The following ADGRL2 variants were observed in gnomAD, a reference collection of about 807,000 sequenced individuals.
ADGRL2 encodes adhesion G protein-coupled receptor L2.
In ADGRL2, 44 loss-of-function variants were observed where a neutral mutation model predicts 157.4. The ratio of observed to expected loss-of-function variants is 0.28; its 90% CI spans 0.22 to 0.36. The LOEUF is 0.36. Among genes scored for constraint, ADGRL2 ranks in the 10% least tolerant of loss-of-function variants. ADGRL2 has a pLI of 1.00. For missense variants in ADGRL2, 1,510 were observed against 1,768.9 expected (o/e 0.85, Z 2.63); for synonymous variants, 585 against 624.7 (o/e 0.94, Z 0.95).
chr1:81,437,096 A>T (rs999401988), intron 1 of ADGRL2, among the ~76,000 whole-genome samples: 4 of 152,308 alleles, frequency 2.6e-5, no homozygotes, highest in Admixed American at 2.6e-4. Context: ...CAATTTATCC[A>T]ACCAAGGCAA....
At chr1:81,680,776 C>A (rs1479885016) in intron 3 of ADGRL2, among the ~76,000 whole-genome samples, 2 of 152,044 alleles carry the variant, frequency 1.3e-5, no homozygotes, top group African/African-American at 2.4e-5. Context: ...AGAATCTATA[C>A]AATGACACCT....
Position 81,463,239 on chromosome 1 carries a change from TG to T in ADGRL2, c.-248+18153del, listed in dbSNP as rs573170644. ...GGGGAGAGTTGGTGTCAGACAGATGTGGGTTGGATTCCTTCCTCCTTTGCTA... is the reference window on the plus strand; with the variant it reads ...GGGGAGAGTTGGTGTCAGACAGATGTGGTTGGATTCCTTCCTCCTTTGCTA... On this transcript the variant is annotated intron_variant, in intron 2 of 24. Coordinates refer to the ADGRL2 transcript ENST00000370721. Among the ~76,000 whole-genome samples, 723 of 151,868 alleles carry T rather than the reference TG, an allele frequency of 4.8e-3. 4 individuals are homozygous for T. Among genetic ancestry groups the T allele is most frequent in the Non-Finnish European group, 8.0e-3 (541 of 67,942 alleles).
intron 1 of ADGRL2, among the ~76,000 whole-genome samples, chr1:81,738,406 A>G (rs1238447456): frequency 2.6e-5 from 4 of 152,340 alleles, no homozygotes; most frequent in East Asian, 1.9e-4. Flanking sequence ...AAGGAAGGTC[A>G]TTGAAGCAGC....
chr1:81,325,843 A>G (rs554540380), intron 1 of ADGRL2, among the ~76,000 whole-genome samples: 1 of 152,252 alleles, frequency 6.6e-6, no homozygotes, highest in African/African-American at 2.4e-5. Context: ...CCCAAGGCTC[A>G]CAGTACTGAA....
chr1:81,560,717 G>A (rs527889077), intron 2 of ADGRL2, among the ~76,000 whole-genome samples: 1 of 152,240 alleles, frequency 6.6e-6, no homozygotes, highest in Admixed American at 6.5e-5. Context: ...AGAAAGAAAT[G>A]GAGGAGGAGG....
chr1:81,391,290 C>T (rs532315500), intron 1 of ADGRL2, among the ~76,000 whole-genome samples: 7 of 152,302 alleles, frequency 4.6e-5, no homozygotes, highest in African/African-American at 7.2e-5. Flanking sequence ...TAGAGACTGC[C>T]GTGCTAACAT....
At chr1:81,721,740 A>G in intron 1 of ADGRL2, 1 of 1,430,134 alleles carries the variant, frequency 7.0e-7, no homozygotes, top group Admixed American at 1.7e-5. Flanking sequence ...AAAATGTGTA[A>G]GCAGGATCCG....
At chr1:81,393,958 A>T (rs1162539836) in intron 1 of ADGRL2, among the ~76,000 whole-genome samples, 1 of 151,990 alleles carries the variant, frequency 6.6e-6, no homozygotes, top group Admixed American at 6.6e-5. Flanking sequence ...GATATCATCC[A>T]TGATCCTAAC....
intron 2 of ADGRL2, among the ~76,000 whole-genome samples, chr1:81,776,255 C>T (rs190630927): frequency 6.7e-6 from 1 of 150,168 alleles, no homozygotes; most frequent in East Asian, 2.0e-4. Flanking sequence ...GTGGCACAAT[C>T]TCTGCTCACT....
chr1:81,865,248 G>T (rs2093506727), intron 2 of ADGRL2, among the ~76,000 whole-genome samples: 1 of 152,098 alleles, frequency 6.6e-6, no homozygotes, highest in Non-Finnish European at 1.5e-5. Context: ...AAAGCTAGTT[G>T]TGACACTGGC....
intron 1 of ADGRL2, among the ~76,000 whole-genome samples, chr1:81,413,493 C>A (rs2076983277): frequency 6.6e-6 from 1 of 151,870 alleles, no homozygotes; most frequent in Non-Finnish European, 1.5e-5. Context: ...ATTACGGATG[C>A]CCTTATGATA....
chr1:81,689,620 C>T (rs2083292878), intron 3 of ADGRL2, among the ~76,000 whole-genome samples: 1 of 152,178 alleles, frequency 6.6e-6, no homozygotes, highest in Non-Finnish European at 1.5e-5. Context: ...CCACACCACA[C>T]CCAAACCTGT....
intron 3 of ADGRL2, among the ~76,000 whole-genome samples, chr1:81,669,009 G>A (rs984403345): frequency 6.6e-6 from 1 of 152,012 alleles, no homozygotes; most frequent in Non-Finnish European, 1.5e-5. Flanking sequence ...TTTATCTGTG[G>A]TGTTCTGTCT....
chr1:81,536,804 A>G (rs111809584), intron 2 of ADGRL2, among the ~76,000 whole-genome samples: 3 of 152,236 alleles, frequency 2.0e-5, no homozygotes, highest in Admixed American at 1.3e-4. Flanking sequence ...ACAATCATAC[A>G]TCATTCAGGA....
intron 2 of ADGRL2, among the ~76,000 whole-genome samples, chr1:81,537,531 C>T (rs1173263095): frequency 6.6e-6 from 1 of 152,068 alleles, no homozygotes; most frequent in Non-Finnish European, 1.5e-5. Context: ...CGTGATCCTC[C>T]TTCCTCGGCC....
chr1:81,658,554 G>A lies in ADGRL2; in HGVS notation c.-143+77574G>A, dbSNP rs371958055. On this transcript the variant is annotated intron_variant, in intron 3 of 24. Transcript: ENST00000370721. ...GTGCCCAATTGGTAATTTCTTATCC[G>A]TCATTCCCCTCCCACCTTCCCACAC... 7.2e-5 allele frequency among the ~76,000 whole-genome samples: 11 copies of A among 152,080 alleles called. No homozygotes were observed. In the South Asian group the frequency reaches 8.3e-4, roughly 11 times the overall value.
At chr1:81,508,747 C>T (rs11163320) in intron 2 of ADGRL2, among the ~76,000 whole-genome samples, 12,489 of 152,224 alleles carry the variant, frequency 0.082, 673 homozygotes, top group East Asian at 0.25. Flanking sequence ...GAATCACACA[C>T]GAGGGTACCG....
rs180898100 is a variant in ADGRL2, at chr1:81,889,820, G to A, written c.74-17197G>A. 2.0e-5 allele frequency among the ~76,000 whole-genome samples: 3 copies of A among 152,252 alleles called. No individual in the cohort carries two copies. In the East Asian group the frequency reaches 5.8e-4, roughly 29 times the overall value. On this transcript the variant is annotated intron_variant, in intron 2 of 23. Transcript: ENST00000686636. The stretch of plus-strand genomic sequence containing the variant: ...ATGCAGCTGGTGACTTTAAGTTGAA[G>A]CTAATATTCATTTACCATTTCAAAA...
At chr1:81,390,397 C>G (rs2076518019) in intron 1 of ADGRL2, among the ~76,000 whole-genome samples, 1 of 152,298 alleles carries the variant, frequency 6.6e-6, no homozygotes, top group African/African-American at 2.4e-5. Context: ...AAGGCACGAA[C>G]CAAATATTAG....
Sources: allele counts gnomAD v4.1 joint callset (sites outside exome capture counted in the v4.1 genomes callset), GRCh38; gene constraint gnomAD v4.1.1; transcripts MANE v1.5; gene names NCBI Gene and HGNC (gene_info 2026-07-23, HGNC 2026-07-21).